The following RBM10 variants were observed in gnomAD, a reference collection of about 807,000 sequenced individuals.
RBM10 encodes the protein RNA binding motif protein 10.
A neutral mutation model predicts 84.9 loss-of-function variants in RBM10; 1 was observed. That is an observed-to-expected ratio of 0.01 (90% confidence interval 0.00 to 0.06). RBM10 has a LOEUF of 0.06. Among genes scored for constraint, RBM10 ranks in the 10% least tolerant of loss-of-function variants. The probability of loss-of-function intolerance (pLI) is 1.00; values close to 1 mark genes in which losing one functional copy is unlikely to be tolerated. For missense variants in RBM10, 438 were observed against 839.0 expected (o/e 0.52, Z 5.90); for synonymous variants, 326 against 344.5 (o/e 0.95, Z 0.60).
At chrX:47,145,636 GTTTTTTTT>G (rs1160810665) in intron 1 of RBM10, 151 bp downstream of exon 1, 15 of 68,983 alleles carry the variant, frequency 2.2e-4, no homozygotes, top group East Asian at 3.8e-4. Flanking sequence ...TTTTTTTTTG[GTTTTTTTT>G]TTTTTTTTTT....
At chrX:47,157,780 C>T in intron 2 of RBM10, 3 of 311,310 alleles carry the variant, frequency 9.6e-6, no homozygotes, top group Non-Finnish European at 1.1e-5. Context: ...AGCTGCATGA[C>T]TTTTTTTTTT....
intron 2 of RBM10, chrX:47,157,616 G>T: frequency 2.1e-6 from 1 of 485,904 alleles, no homozygotes; most frequent in Non-Finnish European, 3.8e-6. Context: ...AGTCCAGGAC[G>T]ATGGTTTCAG....
rs2147167101 is a variant in RBM10 at position 47,179,310 on chromosome X, C to T, written c.725-9C>T. 1 of 1,196,822 alleles carries T rather than the reference C, an allele frequency of 8.4e-7. No homozygotes were observed. Among genetic ancestry groups the T allele is most frequent in the Non-Finnish European group, 1.1e-6 (1 of 888,909 alleles). ...TTATCACCAGCCTGTCTCCCACTGCCCCTGACAGAGGCAGAGCAGAAGCTG... is the reference window on the plus strand; with the variant it reads ...TTATCACCAGCCTGTCTCCCACTGCTCCTGACAGAGGCAGAGCAGAAGCTG... On this transcript the variant is annotated splice_polypyrimidine_tract_variant and intron_variant, in intron 8 of 23. Coordinates refer to ENST00000377604, the MANE Select transcript of RBM10 (RefSeq NM_005676.5).
intron 2 of RBM10, among the ~76,000 whole-genome samples, chrX:47,164,669 A>G (rs1934028464): frequency 8.9e-6 from 1 of 112,138 alleles, no homozygotes; most frequent in African/African-American, 3.2e-5. Flanking sequence ...CAACACTGGT[A>G]GGAATGTAAA....
intron 3 of RBM10, among the ~76,000 whole-genome samples, chrX:47,169,700 C>G (rs1170882594): frequency 8.9e-6 from 1 of 111,843 alleles, no homozygotes; most frequent in African/African-American, 3.3e-5. Flanking sequence ...CTGGCTTCCA[C>G]ATGCTTGGCT....
rs928625123 is a variant in RBM10, at chrX:47,181,967, T to G, written c.1710T>G (p.Ser570=). ...ACCCCCTAGCTGTTCCCGACGTCTC[T>G]ACCTACCAGTACGATGAGACCTCCG... The part of the protein sequence containing the change: ...SYSQYPVPDV[S]TYQYDETSGY... Residue 570 remains serine (S), a synonymous_variant, in exon 16 of 24, where the codon TCT becomes TCG. Transcript: ENST00000377604. 4 of 1,211,080 alleles carry G rather than the reference T, an allele frequency of 3.3e-6. No homozygotes were observed. In the East Asian group the frequency reaches 1.2e-4, roughly 36 times the overall value.
rs1556781736 is a variant in RBM10 at position 47,185,384 on chromosome X, G to A, written c.2166+17G>A. The A allele has an allele frequency of 2.5e-6, 3 of 1,188,490 alleles. No homozygotes were observed. The highest frequency in any genetic ancestry group is 3.4e-6 in the Non-Finnish European group (3 of 883,660). ...GACCGCCCAGTGAGTGCCCAAGGCAGAGAGGGGCGGGGGCTCTGATCTGGC... is the reference window on the plus strand; with the variant it reads ...GACCGCCCAGTGAGTGCCCAAGGCAAAGAGGGGCGGGGGCTCTGATCTGGC... On this transcript the variant is annotated intron_variant, in intron 19 of 23. Coordinates refer to ENST00000377604, the MANE Select transcript of RBM10 (RefSeq NM_005676.5).
In RBM10 at chrX:47,171,079, C is replaced by T. The variant is rs782600932; in HGVS notation, c.253C>T (p.Arg85Trp). The change falls in exon 4 of 24, where the codon CGG (arginine) becomes TGG (tryptophan). Residue 85 changes from arginine to tryptophan, a missense_variant. Around this residue, in one of 8 missense-constraint regions of RBM10, gnomAD observed 92 missense variants for 134.3 expected, o/e 0.69. Coordinates refer to ENST00000377604, the MANE Select transcript of RBM10 (RefSeq NM_005676.5). ...CGAGACTCAGCGTAGGCGGCGGCGG[C>T]GGCACAGGCACAGCCCCACCGGCCC... ...GSETQRRRRR[R>W]HRHSPTGPPG... 2.5e-6 allele frequency: 3 copies of T among 1,210,574 alleles called. No homozygotes were observed. The highest frequency in any genetic ancestry group is 3.4e-6 in the Non-Finnish European group (3 of 895,085).
intron 2 of RBM10, among the ~76,000 whole-genome samples, chrX:47,160,924 A>G (rs1286461222): frequency 1.8e-5 from 2 of 111,663 alleles, no homozygotes; most frequent in Non-Finnish European, 3.8e-5. Context: ...GAATGAATGA[A>G]TATAGCTGTG....
chrX:47,154,637 G>C (rs1021448273), intron 2 of RBM10, among the ~76,000 whole-genome samples: 1 of 108,796 alleles, frequency 9.2e-6, no homozygotes, highest in Non-Finnish European at 1.9e-5. Flanking sequence ...TTTTAGTAGA[G>C]ACGGGGTTTC....
At position 47,169,295 on chromosome X, in the gene RBM10, C is replaced by G. The variant is rs375255988; in HGVS notation, c.18-20C>G. ...AAAGGGCAACCTTCTGATCCCTCCC[C>G]ATCCTTCTTCCTCCACTAGTGGTGG... On this transcript the variant is annotated intron_variant, in intron 2 of 23. Transcript: ENST00000377604. 1 of 1,193,493 alleles carries G rather than the reference C, an allele frequency of 8.4e-7. No homozygotes were observed. The highest frequency in any genetic ancestry group is 1.8e-5 in the African/African-American group (1 of 57,066).
chrX:47,152,774 GACACACACACACACAC>G (rs370048928), intron 2 of RBM10, among the ~76,000 whole-genome samples: 84 of 80,355 alleles, frequency 1.0e-3, no homozygotes, highest in Non-Finnish European at 1.5e-3. Context: ...TCTTTACATA[GACACACACACACACAC>G]ACACACACAC....
chrX:47,171,287 A>C, intron 4 of RBM10, 29 bp downstream of exon 4: 5 of 1,207,027 alleles, frequency 4.1e-6, no homozygotes, highest in Non-Finnish European at 5.6e-6. Context: ...CCCGGGCAGG[A>C]GGCCAGGCTG....
intron 9 of RBM10, 145 bp from the exon 10 acceptor site, chrX:47,179,735 G>A: frequency 1.1e-6 from 1 of 883,479 alleles, no homozygotes; most frequent in Non-Finnish European, 1.6e-6. Context: ...AAGCAGAGTT[G>A]ATCCTGGAGG....
intron 2 of RBM10, among the ~76,000 whole-genome samples, chrX:47,159,408 C>CA (rs782318170): frequency 0.055 from 2,085 of 37,801 alleles, 46 homozygotes; most frequent in Non-Finnish European, 0.069. Flanking sequence ...AACTCCGTCT[C>CA]AAAAAAAAAA....
At chrX:47,169,217 A>T (rs1934456914) in intron 2 of RBM10, 98 bp from the exon 3 acceptor site, 1 of 907,275 alleles carries the variant, frequency 1.1e-6, no homozygotes, top group South Asian at 2.5e-5. Flanking sequence ...TGCTCCTCCA[A>T]AAAAACCAAA....
chrX:47,158,762 C>T (rs1569174782), intron 2 of RBM10, among the ~76,000 whole-genome samples: 1 of 111,753 alleles, frequency 8.9e-6, no homozygotes, highest in African/African-American at 3.3e-5. Flanking sequence ...CCCGTTGATC[C>T]CATCACCCAA....
intron 17 of RBM10, among the ~76,000 whole-genome samples, chrX:47,184,215 C>T (rs1295331236): frequency 4.5e-5 from 5 of 111,434 alleles, no homozygotes; most frequent in South Asian, 3.7e-4. Context: ...CTGCAGCCTC[C>T]GCCTCCCGGG....
intron 1 of RBM10, among the ~76,000 whole-genome samples, chrX:47,146,203 T>G (rs1223333496): frequency 9.0e-6 from 1 of 110,920 alleles, no homozygotes; most frequent in African/African-American, 3.3e-5. Context: ...TTGGGGCTCG[T>G]GTCTGTGACT....
Sources: gnomAD v4.1 joint callset for allele counts (sites outside exome capture counted in the v4.1 genomes callset) on GRCh38, gnomAD v4.1.1 for gene constraint, gnomAD v4.1.1 regional missense constraint, MANE v1.5 for transcripts, NCBI Gene and HGNC (gene_info 2026-07-23, HGNC 2026-07-21) for gene names.